CDC45: variants seen among roughly 807,000 people sequenced by gnomAD.
CDC45 encodes the protein cell division cycle 45.
A neutral mutation model predicts 77.8 loss-of-function variants in CDC45; 54 were observed. The observed-to-expected ratio is 0.69, with a 90% CI of 0.56 to 0.87. The LOEUF is 0.87. Among genes scored for constraint, CDC45 ranks in the 40% least tolerant of loss-of-function variants. The pLI is 0.00. For missense variants in CDC45, 649 were observed against 721.6 expected (o/e 0.90, Z 1.15); for synonymous variants, 260 against 272.1 (o/e 0.96, Z 0.44).
rs553303362 is a variant in CDC45 at position 19,520,287 on chromosome 22, G to T, written c.*2-194G>T. Among the ~76,000 whole-genome samples the T allele has an allele frequency of 3.3e-5, 5 of 152,238 alleles. No homozygotes were observed. The South Asian group carries it at 1.0e-3, about 32-fold the overall frequency. ...GCCCGGGCCAGGGGGCAGGAGCTCT[G>T]ATGTAGGACAGCTCAGCCCAGTCAA... On this transcript the variant is annotated intron_variant, in intron 18 of 18. Transcript: ENST00000263201. This position sits in a 1 kb window ranked among gnomAD's most constrained non-coding sequence, Gnocchi z 4.5.
At chr22:19,479,780 G>A, upstream of CDC45, 2 of 665,942 alleles carry the variant, frequency 3.0e-6, no homozygotes, top group Non-Finnish European at 5.3e-6. Context: ...TTTTCTGGCC[G>A]TGAATGGCAG....
At chr22:19,511,798 C>G (rs949970373) in intron 13 of CDC45, among the ~76,000 whole-genome samples, 2 of 151,820 alleles carry the variant, frequency 1.3e-5, no homozygotes, top group Admixed American at 6.6e-5. Flanking sequence ...GTTTCTTGTG[C>G]TTTTGGTGTC....
chr22:19,499,830 G>A (rs542228320), intron 9 of CDC45, among the ~76,000 whole-genome samples: 8 of 152,306 alleles, frequency 5.3e-5, no homozygotes, highest in Admixed American at 2.0e-4. Context: ...CAACATGCTG[G>A]TCCTCTCCTA....
At chr22:19,518,646 T>C (rs2146452795) in intron 17 of CDC45, among the ~76,000 whole-genome samples, 198 bp from the exon 18 acceptor site, 1 of 152,170 alleles carries the variant, frequency 6.6e-6, no homozygotes, top group East Asian at 1.9e-4. Flanking sequence ...AACCCTGACC[T>C]CTCTAGCAGT....
At chr22:19,501,592 C>G (rs1046867634) in intron 9 of CDC45, among the ~76,000 whole-genome samples, 2 of 152,208 alleles carry the variant, frequency 1.3e-5, no homozygotes, top group Non-Finnish European at 2.9e-5. Flanking sequence ...GGATTTTAAG[C>G]TGCATGGAAC....
chr22:19,494,213 C>A, intron 5 of CDC45, 114 bp from the exon 6 acceptor site: 1 of 848,836 alleles, frequency 1.2e-6, no homozygotes, highest in Non-Finnish European at 2.0e-6. Flanking sequence ...TGACCGTGTT[C>A]TCTCTCAGGG....
rs1178626868 is a variant in CDC45, at chr22:19,480,945, C to T, written c.112-8C>T. On this transcript the variant is annotated splice_region_variant and splice_polypyrimidine_tract_variant and intron_variant, in intron 2 of 18. Coordinates refer to ENST00000263201, the MANE Select transcript of CDC45 (RefSeq NM_003504.5). Reference sequence around the variant, plus strand: ...ATAAGATAGGCTTTGAAAACACTCTCTCTCCAGGCCTTGTTCCAGTGTGAC... The same window carrying T: ...ATAAGATAGGCTTTGAAAACACTCTTTCTCCAGGCCTTGTTCCAGTGTGAC... 6.3e-7 allele frequency: 1 copy of T among 1,592,522 alleles called. No individual in the cohort carries two copies. The highest frequency in any genetic ancestry group is 1.1e-5 in the South Asian group (1 of 88,674).
chr22:19,496,678 A>G (rs2090248872), intron 7 of CDC45, among the ~76,000 whole-genome samples: 1 of 152,122 alleles, frequency 6.6e-6, no homozygotes, highest in Admixed American at 6.6e-5. Context: ...GCTCACTTAG[A>G]GAAGATAACT....
intron 9 of CDC45, among the ~76,000 whole-genome samples, chr22:19,503,758 A>G (rs531704669): frequency 6.6e-6 from 1 of 152,330 alleles, no homozygotes; most frequent in Admixed American, 6.5e-5. Flanking sequence ...GGGAGGGTCG[A>G]CAAGACCTCA....
At chr22:19,479,833 G>A (rs2089943049), upstream of CDC45, 1 of 877,218 alleles carries the variant, frequency 1.1e-6, no homozygotes, top group African/African-American at 1.7e-5. Context: ...CAGAAAGAAA[G>A]GAAGGCTGGG....
At chr22:19,509,763 T>C (rs2146421979) in intron 13 of CDC45, among the ~76,000 whole-genome samples, 1 of 152,288 alleles carries the variant, frequency 6.6e-6, no homozygotes, top group East Asian at 1.9e-4. Context: ...TCAGACAGCT[T>C]TTCTGGCTTC....
chr22:19,498,594 C>T (rs1280282112), intron 8 of CDC45, among the ~76,000 whole-genome samples: 2 of 152,234 alleles, frequency 1.3e-5, no homozygotes, highest in African/African-American at 2.4e-5. Flanking sequence ...TACTCTACAT[C>T]CTGCTACTTT....
At chr22:19,484,305 T>C (rs1327505596) in intron 5 of CDC45, among the ~76,000 whole-genome samples, 1 of 152,214 alleles carries the variant, frequency 6.6e-6, no homozygotes, top group Non-Finnish European at 1.5e-5. Flanking sequence ...CAATAAATAG[T>C]GTAACCCCCA....
chr22:19,489,710 T>C (rs2090126042), intron 5 of CDC45, among the ~76,000 whole-genome samples: 1 of 152,232 alleles, frequency 6.6e-6, no homozygotes, highest in Admixed American at 6.5e-5. Context: ...CACCAAAATT[T>C]AAAATACAGT....
At chr22:19,480,051 C>T in intron 1 of CDC45, 32 bp downstream of exon 1, 1 of 1,613,526 alleles carries the variant, frequency 6.2e-7, no homozygotes. Context: ...CCGCCGAGGC[C>T]TTGCCGGTGG....
At chr22:19,502,269 A>G (rs531116528) in intron 9 of CDC45, among the ~76,000 whole-genome samples, 1 of 152,354 alleles carries the variant, frequency 6.6e-6, no homozygotes, top group South Asian at 2.1e-4. Flanking sequence ...CGTTCAGTCA[A>G]TAAACTCAGA....
rs373719405 is a variant in CDC45 at position 19,501,792 on chromosome 22, G to A, written c.704+2641G>A. On this transcript the variant is annotated intron_variant, in intron 9 of 18. Transcript: ENST00000263201. The stretch of plus-strand genomic sequence containing the variant: ...TGTGTTGGCATGAACGTAACTCACT[G>A]CAGCTTTGACCTCCTGGGATCAAGC... 1.2e-4 allele frequency among the ~76,000 whole-genome samples: 19 copies of A among 152,266 alleles called. No homozygotes were observed. In the South Asian group the frequency reaches 3.7e-3, roughly 30 times the overall value.
intron 8 of CDC45, among the ~76,000 whole-genome samples, chr22:19,498,476 C>T (rs1398517118): frequency 6.6e-6 from 1 of 152,254 alleles, no homozygotes; most frequent in Non-Finnish European, 1.5e-5. Context: ...GTCACTCTTG[C>T]TGTGGGCTGG....
At chr22:19,517,376 G>A (rs1933860065) in intron 17 of CDC45, among the ~76,000 whole-genome samples, 1 of 152,210 alleles carries the variant, frequency 6.6e-6, no homozygotes, top group Non-Finnish European at 1.5e-5. Flanking sequence ...GGCCCCACCT[G>A]TGTGTCAGAT....
Sources: gnomAD v4.1 joint callset for allele counts (sites outside exome capture counted in the v4.1 genomes callset) on GRCh38, gnomAD v4.1.1 for gene constraint, Gnocchi (gnomAD v3.1) non-coding constraint, MANE v1.5 for transcripts, NCBI Gene and HGNC (gene_info 2026-07-23, HGNC 2026-07-21) for gene names.